SIPA1L2: variants seen among roughly 807,000 people sequenced by gnomAD.
The protein encoded by SIPA1L2 is signal-induced proliferation-associated 1-like protein 2.
Under a neutral mutation model 163.9 loss-of-function variants are expected in SIPA1L2, and 56 were observed. The observed-to-expected ratio is 0.34, with a 90% CI of 0.28 to 0.43. The LOEUF (loss-of-function observed/expected upper bound fraction) is 0.43, where lower values mean the gene tolerates loss of function less well. Ranked by LOEUF, SIPA1L2 falls within the 20% of genes least tolerant of loss-of-function variation. The probability of loss-of-function intolerance (pLI) is 1.00; values close to 1 mark genes in which losing one functional copy is unlikely to be tolerated. For synonymous variants in SIPA1L2, 877 were observed against 865.7 expected (o/e 1.01, Z -0.23); for missense variants, 1,974 against 2,193.5 (o/e 0.90, Z 2.00).
At chr1:232,617,319 C>T (rs746440201) in intron 1 of SIPA1L2, among the ~76,000 whole-genome samples, 3 of 152,116 alleles carry the variant, frequency 2.0e-5, no homozygotes, top group Non-Finnish European at 4.4e-5. Flanking sequence ...TAAGATGAGA[C>T]CCAGTGGGGA....
chr1:232,437,628 A>G lies in SIPA1L2; in HGVS notation c.4031+1480T>C, dbSNP rs551904709. Among the ~76,000 whole-genome samples the G allele has an allele frequency of 6.9e-4, 105 of 152,210 alleles. No homozygotes were observed. The Middle Eastern group carries it at 0.014, about 20-fold the overall frequency. ...TGTATTTGCCATTCCTCAGCTGCAC[A>G]GCTTGGTGACAGGGACTGACCCCCA... On this transcript the variant is annotated intron_variant, in intron 15 of 22. Transcript: ENST00000674635.
At chr1:232,419,237 A>G (rs1196184366) in intron 18 of SIPA1L2, among the ~76,000 whole-genome samples, 1 of 152,236 alleles carries the variant, frequency 6.6e-6, no homozygotes, top group East Asian at 1.9e-4. Flanking sequence ...TTCCATAAGC[A>G]GGAAGACTTC....
intron 2 of SIPA1L2, among the ~76,000 whole-genome samples, chr1:232,518,735 A>G (rs920939759): frequency 1.3e-5 from 2 of 152,082 alleles, no homozygotes; most frequent in Admixed American, 6.5e-5. Flanking sequence ...CATGCCTTCT[A>G]AGGACTTCCT....
intron 9 of SIPA1L2, among the ~76,000 whole-genome samples, chr1:232,463,671 G>A (rs1161843322): frequency 1.3e-5 from 2 of 152,184 alleles, no homozygotes; most frequent in African/African-American, 4.8e-5. Flanking sequence ...TAATGATTTG[G>A]TGGATATGCT....
intron 2 of SIPA1L2, among the ~76,000 whole-genome samples, chr1:232,558,741 C>T (rs1419270153): frequency 1.3e-5 from 2 of 152,036 alleles, no homozygotes; most frequent in East Asian, 1.9e-4. Flanking sequence ...CCTAAATCTT[C>T]GTTTTTATGC....
chr1:232,626,587 C>T (rs1395198852), intron 1 of SIPA1L2, among the ~76,000 whole-genome samples: 1 of 152,168 alleles, frequency 6.6e-6, no homozygotes, highest in Non-Finnish European at 1.5e-5. Context: ...TAAATTCCTA[C>T]CACATTGTTA....
chr1:232,441,727 G>T, intron 13 of SIPA1L2, 41 bp downstream of exon 13: 1 of 1,527,062 alleles, frequency 6.5e-7, no homozygotes, highest in Non-Finnish European at 9.1e-7. Flanking sequence ...GAGGGGGAAA[G>T]GGGGAGCAAG....
At chr1:232,431,572 C>T (rs1412849625) in intron 16 of SIPA1L2, among the ~76,000 whole-genome samples, 1 of 152,190 alleles carries the variant, frequency 6.6e-6, no homozygotes, top group Non-Finnish European at 1.5e-5. Context: ...GCACACAGAC[C>T]TGATCATTTA....
chr1:232,570,385 A>G (rs924635066), intron 2 of SIPA1L2, among the ~76,000 whole-genome samples: 7 of 152,260 alleles, frequency 4.6e-5, no homozygotes, highest in Admixed American at 4.6e-4. Flanking sequence ...TTAAATAAGT[A>G]TGCCGTCTCC....
chr1:232,530,504 C>T (rs1053492813), intron 2 of SIPA1L2, among the ~76,000 whole-genome samples: 1 of 151,972 alleles, frequency 6.6e-6, no homozygotes, highest in Non-Finnish European at 1.5e-5. Flanking sequence ...TCCATAAAAG[C>T]GTAGTACAAC....
intron 2 of SIPA1L2, among the ~76,000 whole-genome samples, chr1:232,572,702 TATATATATATATATAC>T (rs758928494): frequency 0.22 from 23,481 of 104,970 alleles, 2,377 homozygotes; most frequent in South Asian, 0.38. Flanking sequence ...TACATATATA[TATATATATATATATAC>T]ACACATATAT....
intron 16 of SIPA1L2, among the ~76,000 whole-genome samples, chr1:232,428,809 G>A (rs762480291): frequency 2.0e-5 from 3 of 152,084 alleles, no homozygotes; most frequent in South Asian, 2.1e-4. Flanking sequence ...CAAAGCCCAG[G>A]ATGAAAAAAT....
At chr1:232,443,805 C>A in intron 11 of SIPA1L2, 120 bp from the exon 12 acceptor site, 1 of 710,138 alleles carries the variant, frequency 1.4e-6, no homozygotes, top group Non-Finnish European at 2.2e-6. Context: ...GGAAGAAAAA[C>A]ATATTGCCAT....
intron 13 of SIPA1L2, 95 bp from the exon 14 acceptor site, chr1:232,441,489 T>C (rs1662890932): frequency 9.7e-7 from 1 of 1,025,930 alleles, no homozygotes; most frequent in Admixed American, 2.1e-5. Flanking sequence ...TTGGTAAACA[T>C]GAACAGGCTT....
chr1:232,598,318 T>C (rs1032253981), intron 1 of SIPA1L2, among the ~76,000 whole-genome samples: 1 of 151,946 alleles, frequency 6.6e-6, no homozygotes, highest in African/African-American at 2.4e-5. Context: ...AGTGGAAGGA[T>C]TGCTGATTAA....
chr1:232,557,104 C>G lies in SIPA1L2; in HGVS notation c.-270+17070G>C, dbSNP rs1171415759. Among the ~76,000 whole-genome samples, 3 of 152,202 alleles carry G rather than the reference C, an allele frequency of 2.0e-5. 1 individual carries two copies. Among genetic ancestry groups the G allele is most frequent in the African/African-American group, 7.2e-5 (3 of 41,442 alleles). On this transcript the variant is annotated intron_variant, in intron 2 of 22. Transcript: ENST00000674635. ...TAAAATACTGATAGGAGGTGAGAGG[C>G]TGACACTGCACAGCGCCTGTGTAAT...
At chr1:232,613,886 C>T (rs191204242) in intron 1 of SIPA1L2, among the ~76,000 whole-genome samples, 2 of 152,134 alleles carry the variant, frequency 1.3e-5, no homozygotes, top group Non-Finnish European at 2.9e-5. Flanking sequence ...AAGAATCGCC[C>T]ACAGGATTTG....
intron 1 of SIPA1L2, among the ~76,000 whole-genome samples, chr1:232,595,548 G>A (rs1369027590): frequency 2.6e-5 from 4 of 152,098 alleles, no homozygotes; most frequent in East Asian, 1.9e-4. Flanking sequence ...GGGTCCGGAC[G>A]TTCCCCCCAG....
intron 3 of SIPA1L2, among the ~76,000 whole-genome samples, chr1:232,497,582 C>T (rs548002545): frequency 6.6e-6 from 1 of 152,286 alleles, no homozygotes; most frequent in African/African-American, 2.4e-5. Flanking sequence ...TTGCCAAATT[C>T]AACTATCTTC....
Sources: allele counts gnomAD v4.1 joint callset (sites outside exome capture counted in the v4.1 genomes callset), GRCh38; gene constraint gnomAD v4.1.1; transcripts MANE v1.5; gene names NCBI Gene and HGNC (gene_info 2026-07-23, HGNC 2026-07-21).